The following RGPD3 variants were observed in gnomAD, a reference collection of about 807,000 sequenced individuals.
The protein encoded by RGPD3 is RANBP2 like and GRIP domain containing 3.
In RGPD3, 62 loss-of-function variants were observed where a neutral mutation model predicts 154.5. That is an observed-to-expected ratio of 0.40 (90% CI 0.33 to 0.50). The LOEUF (loss-of-function observed/expected upper bound fraction) is 0.50, where lower values mean the gene tolerates loss of function less well. Ranked by LOEUF, RGPD3 falls within the 20% of genes least tolerant of loss-of-function variation. The pLI is 0.59. For synonymous variants in RGPD3, 308 were observed against 607.0 expected, an observed-to-expected ratio of 0.51 and a Z score of 7.24; for missense variants, 919 against 1,716.8, an observed-to-expected ratio of 0.54 and a Z score of 8.21.
upstream of RGPD3, among the ~76,000 whole-genome samples, chr2:106,470,061 AG>A (rs1281897894): frequency 2.6e-5 from 4 of 152,200 alleles, no homozygotes; most frequent in Non-Finnish European, 4.4e-5. Flanking sequence ...GTAAAAAAAA[AG>A]AATCATAGTA....
intron 9 of RGPD3, among the ~76,000 whole-genome samples, chr2:106,437,469 G>A (rs927012884): frequency 1.3e-4 from 20 of 151,760 alleles, no homozygotes; most frequent in South Asian, 4.2e-4. Flanking sequence ...CCAAGATTGC[G>A]CCACTGCGCT....
chr2:106,418,118 C>G lies in RGPD3; in HGVS notation c.4925-2129G>C, dbSNP rs879389839. 2.1e-5 allele frequency among the ~76,000 whole-genome samples: 3 copies of G among 142,312 alleles called. No homozygotes were observed. The South Asian group carries it at 7.2e-4, about 34-fold the overall frequency. 93.4% of individuals were successfully genotyped at this position (142,312 alleles called of 152,430 possible). On this transcript the variant is annotated intron_variant, in intron 20 of 22. Coordinates refer to ENST00000409886, the MANE Select transcript of RGPD3 (RefSeq NM_001144013.2). ...ACTTCAGCCTGGTGACAGAGCAAGA[C>G]TCCAGCTCAAAACAAAAAAACAAAC...
chr2:106,413,848 T>C (rs1424231409), intron 21 of RGPD3, among the ~76,000 whole-genome samples: 2 of 152,138 alleles, frequency 1.3e-5, no homozygotes, highest in African/African-American at 4.8e-5. Flanking sequence ...GGGGAACTGA[T>C]GGAACGTCTC....
At chr2:106,451,115 A>G (rs1678111948) in intron 6 of RGPD3, among the ~76,000 whole-genome samples, 1 of 150,602 alleles carries the variant, frequency 6.6e-6, no homozygotes, top group African/African-American at 2.4e-5. Flanking sequence ...AAAGAAAGAA[A>G]GAAAGAAAGA....
chr2:106,467,093 G>T lies in RGPD3; in HGVS notation c.72+1124C>A, dbSNP rs1460154116. ...TGACGCCTGAGCCATCGAGGCCGCC[G>T]CAGGGCCAGGTCGAGGCCGGCGCCT... On this transcript the variant is annotated intron_variant, in intron 1 of 22. Transcript: ENST00000409886. Among the ~76,000 whole-genome samples the T allele has an allele frequency of 1.3e-4, 14 of 111,780 alleles. No homozygotes were observed. The South Asian group carries it at 2.6e-3, about 21-fold the overall frequency. The allele number at this position is 111,780 out of a possible 152,430, so 73.3% of individuals were successfully genotyped here. A position where few individuals can be genotyped will look rare whatever the true frequency, so the allele number is the denominator to read the frequency against.
At position 106,404,384 on chromosome 2, in the gene RGPD3, A is replaced by G. The variant is rs1304422734; in HGVS notation, c.*835T>C. ...TAGCCAGCTCTAGGGCTCTGACAAC[A>G]TAATGAGTTTTGAGATAGTATACTT... On this transcript the variant is annotated 3_prime_UTR_variant, in exon 23 of 23. Coordinates refer to ENST00000409886, the MANE Select transcript of RGPD3 (RefSeq NM_001144013.2). Among the ~76,000 whole-genome samples the G allele has an allele frequency of 1.3e-5, 2 of 149,272 alleles. No homozygotes were observed. Among genetic ancestry groups the G allele is most frequent in the African/African-American group, 5.0e-5 (2 of 39,908 alleles).
intron 22 of RGPD3, among the ~76,000 whole-genome samples, chr2:106,409,807 T>C (rs1419608891): frequency 1.3e-5 from 2 of 151,156 alleles, no homozygotes; most frequent in Non-Finnish European, 3.0e-5. Context: ...CTTTTCCCAC[T>C]CTTGTTTTTT....
chr2:106,440,169 T>C (rs1410114103), intron 8 of RGPD3, among the ~76,000 whole-genome samples: 40 of 104,106 alleles, frequency 3.8e-4, no homozygotes, highest in Non-Finnish European at 6.7e-4. Flanking sequence ...GAATTCCTCA[T>C]GGAGTGATGA....
upstream of RGPD3, among the ~76,000 whole-genome samples, chr2:106,469,658 A>G (rs1289896930): frequency 6.6e-6 from 1 of 152,162 alleles, no homozygotes; most frequent in African/African-American, 2.4e-5. Flanking sequence ...GAGAATTGGG[A>G]GCCTCGTTCC....
At chr2:106,449,792 C>T (rs1349125841) in intron 6 of RGPD3, among the ~76,000 whole-genome samples, 11 of 151,584 alleles carry the variant, frequency 7.3e-5, no homozygotes, top group East Asian at 3.9e-4. Flanking sequence ...CCGAGGCAGG[C>T]GGATCACAAG....
chr2:106,422,074 C>T (rs1328470213), intron 20 of RGPD3, among the ~76,000 whole-genome samples: 2 of 152,078 alleles, frequency 1.3e-5, no homozygotes, highest in Non-Finnish European at 2.9e-5. Flanking sequence ...TAGTTCTATA[C>T]CTTTGCTCTC....
Position 106,421,094 on chromosome 2 carries a change from A to G in RGPD3, c.4924+1949T>C, listed in dbSNP as rs1676971111. ...TCATTTCCTAGCTAGGAGAAATAAC[A>G]GTACACCGTAAGATACAGATTCTTG... On this transcript the variant is annotated intron_variant, in intron 20 of 22. Transcript: ENST00000409886. 2.6e-5 allele frequency among the ~76,000 whole-genome samples: 4 copies of G among 152,236 alleles called. No homozygotes were observed. The South Asian group carries it at 8.3e-4, about 31-fold the overall frequency.
intron 7 of RGPD3, among the ~76,000 whole-genome samples, chr2:106,446,377 C>T (rs1238490306): frequency 6.6e-6 from 1 of 151,990 alleles, no homozygotes; most frequent in African/African-American, 2.4e-5. Flanking sequence ...ACCATCCTGG[C>T]TAACATGGTG....
At chr2:106,467,913 A>C (rs1678684224) in intron 1 of RGPD3, among the ~76,000 whole-genome samples, 2 of 134,278 alleles carry the variant, frequency 1.5e-5, no homozygotes, top group Admixed American at 1.4e-4. Context: ...GCCTCAACAG[A>C]GCGCGCCAGG....
At chr2:106,417,898 G>C (rs1473996868) in intron 20 of RGPD3, among the ~76,000 whole-genome samples, 1 of 150,526 alleles carries the variant, frequency 6.6e-6, no homozygotes, top group African/African-American at 2.5e-5. Flanking sequence ...GGGAGGCTAA[G>C]GTGGGTGGAT....
chr2:106,461,499 T>C (rs916833911), intron 1 of RGPD3, among the ~76,000 whole-genome samples: 3 of 152,134 alleles, frequency 2.0e-5, no homozygotes, highest in African/African-American at 7.2e-5. Context: ...ATTTTTATCA[T>C]GTTATTCAGA....
chr2:106,462,768 C>T (rs1305528231), intron 1 of RGPD3, among the ~76,000 whole-genome samples: 3 of 151,768 alleles, frequency 2.0e-5, no homozygotes, highest in South Asian at 4.2e-4. Context: ...CTAAAATCCT[C>T]CAAAAAAGCT....
chr2:106,407,380 G>T (rs1480746831), intron 22 of RGPD3, among the ~76,000 whole-genome samples: 2 of 152,126 alleles, frequency 1.3e-5, no homozygotes, highest in Non-Finnish European at 2.9e-5. Flanking sequence ...ATTTCTGGAG[G>T]AGGCAATGAG....
At chr2:106,414,481 G>A (rs1379840790) in intron 21 of RGPD3, among the ~76,000 whole-genome samples, 5 of 150,058 alleles carry the variant, frequency 3.3e-5, no homozygotes, top group Admixed American at 3.3e-4. Context: ...AATTAGCCGG[G>A]CATGGTGGTG....
Sources: gnomAD v4.1 joint callset for allele counts (sites outside exome capture counted in the v4.1 genomes callset) on GRCh38, gnomAD v4.1.1 for gene constraint, MANE v1.5 for transcripts, NCBI Gene and HGNC (gene_info 2026-07-23, HGNC 2026-07-21) for gene names.